Variants in SPRED2 observed in about 807,000 individuals in gnomAD.
SPRED2 encodes the protein sprouty-related, EVH1 domain-containing protein 2.
SPRED2 carries 47 observed loss-of-function variants against 43.0 expected under a neutral mutation model. The observed-to-expected ratio is 1.09, with a 90% confidence interval of 0.87 to 1.40. The LOEUF is 1.40. SPRED2 is among the 40% of genes most tolerant of loss of function. The probability of loss-of-function intolerance (pLI) is 0.00; values close to 1 mark genes in which losing one functional copy is unlikely to be tolerated. For synonymous variants in SPRED2, 225 were observed against 225.7 expected, an observed-to-expected ratio of 1.00 and a Z score of 0.03; for missense variants, 561 against 586.4, an observed-to-expected ratio of 0.96 and a Z score of 0.45.
At chr2:65,319,433 G>A (rs1673345439) in intron 4 of SPRED2, among the ~76,000 whole-genome samples, 1 of 152,292 alleles carries the variant, frequency 6.6e-6, no homozygotes, top group African/African-American at 2.4e-5. Context: ...GAGGATGGGA[G>A]CAAGAGAAGC....
chr2:65,321,151 C>T (rs978270971), intron 4 of SPRED2, among the ~76,000 whole-genome samples: 1 of 152,160 alleles, frequency 6.6e-6, no homozygotes, highest in Non-Finnish European at 1.5e-5. Flanking sequence ...GGACTTCAGG[C>T]TCCTAGAAGG....
At chr2:65,338,182 C>T (rs1414737850) in intron 2 of SPRED2, among the ~76,000 whole-genome samples, 1 of 92,458 alleles carries the variant, frequency 1.1e-5, no homozygotes, top group Non-Finnish European at 2.3e-5. Flanking sequence ...CTCCCGTCTC[C>T]CTCTCCCTCT....
chr2:65,397,860 T>C (rs1436471322), intron 1 of SPRED2, among the ~76,000 whole-genome samples: 3 of 152,060 alleles, frequency 2.0e-5, no homozygotes, highest in African/African-American at 7.2e-5. Context: ...AATACCACCA[T>C]TATTCTTCAC....
intron 4 of SPRED2, among the ~76,000 whole-genome samples, chr2:65,324,213 C>G (rs754772295): frequency 1.3e-5 from 2 of 152,088 alleles, no homozygotes; most frequent in African/African-American, 4.8e-5. Context: ...ACAGGCTGTA[C>G]TTATTTTGAG....
intron 4 of SPRED2, among the ~76,000 whole-genome samples, chr2:65,322,479 G>C (rs1402157995): frequency 1.3e-5 from 2 of 151,654 alleles, no homozygotes; most frequent in Admixed American, 1.3e-4. Context: ...ATTTTTAGTA[G>C]AGATGGGGTT....
chr2:65,411,415 T>C (rs1391878462), intron 1 of SPRED2, among the ~76,000 whole-genome samples: 1 of 152,224 alleles, frequency 6.6e-6, no homozygotes, highest in African/African-American at 2.4e-5. Context: ...TTAAATTACA[T>C]GCTTTTAAAC....
chr2:65,325,395 C>T (rs1294951213), intron 4 of SPRED2, among the ~76,000 whole-genome samples: 2 of 152,214 alleles, frequency 1.3e-5, no homozygotes, highest in Non-Finnish European at 2.9e-5. Context: ...TCATGTAGCA[C>T]TGCTAAGCAA....
At chr2:65,369,832 C>A (rs1436363091) in intron 1 of SPRED2, among the ~76,000 whole-genome samples, 1 of 152,200 alleles carries the variant, frequency 6.6e-6, no homozygotes, top group African/African-American at 2.4e-5. Context: ...CTGGCTCCAC[C>A]TCACTATTTT....
intron 1 of SPRED2, among the ~76,000 whole-genome samples, chr2:65,412,567 G>GT (rs1469472607): frequency 6.6e-6 from 1 of 152,178 alleles, no homozygotes; most frequent in Non-Finnish European, 1.5e-5. Flanking sequence ...TCATATGACT[G>GT]TTTAAGAGTG....
intron 1 of SPRED2, among the ~76,000 whole-genome samples, chr2:65,375,272 T>C (rs1397647120): frequency 6.6e-6 from 1 of 152,226 alleles, no homozygotes; most frequent in South Asian, 2.1e-4. Context: ...ACAGGAACAT[T>C]AACTCTTCCC....
At chr2:65,396,483 C>A (rs1430869795) in intron 1 of SPRED2, among the ~76,000 whole-genome samples, 1 of 152,204 alleles carries the variant, frequency 6.6e-6, no homozygotes, top group African/African-American at 2.4e-5. Flanking sequence ...TCTTTGAGTT[C>A]TCCACACGGT....
At chr2:65,344,468 T>C in intron 2 of SPRED2, 1 of 607,274 alleles carries the variant, frequency 1.6e-6, no homozygotes, top group Non-Finnish European at 3.1e-6. Flanking sequence ...TAATCAAAGA[T>C]GCAAATAAAA....
intron 5 of SPRED2, among the ~76,000 whole-genome samples, chr2:65,314,876 C>A (rs1276979896): frequency 6.6e-6 from 1 of 152,120 alleles, no homozygotes; most frequent in Non-Finnish European, 1.5e-5. Context: ...TGGTGAGATG[C>A]GGACAGGAGA....
chr2:65,394,875 T>G (rs1359505267), intron 1 of SPRED2, among the ~76,000 whole-genome samples: 1 of 152,256 alleles, frequency 6.6e-6, no homozygotes, highest in Non-Finnish European at 1.5e-5. Context: ...AACTGCATTT[T>G]CACATTATGC....
chr2:65,407,841 C>A (rs1676062549), intron 1 of SPRED2, among the ~76,000 whole-genome samples: 1 of 152,238 alleles, frequency 6.6e-6, no homozygotes, highest in African/African-American at 2.4e-5. Context: ...AAAATACTAA[C>A]ATGACCGAGT....
chr2:65,353,579 C>A (rs915802100), intron 1 of SPRED2, among the ~76,000 whole-genome samples: 11 of 152,112 alleles, frequency 7.2e-5, no homozygotes, highest in Admixed American at 3.3e-4. Flanking sequence ...CAGAAATACT[C>A]CTTTAAAAAT....
intron 1 of SPRED2, among the ~76,000 whole-genome samples, chr2:65,359,327 A>G (rs1022045177): frequency 6.6e-6 from 1 of 152,216 alleles, no homozygotes; most frequent in African/African-American, 2.4e-5. Flanking sequence ...GTAAAGGCCA[A>G]CTAGCTACCA....
At chr2:65,359,685 T>C (rs939894314) in intron 1 of SPRED2, among the ~76,000 whole-genome samples, 3 of 152,100 alleles carry the variant, frequency 2.0e-5, no homozygotes, top group African/African-American at 7.2e-5. Context: ...ATCCCAGCAC[T>C]GTGGGAGGCT....
At chr2:65,386,789 G>T (rs545531570) in intron 1 of SPRED2, among the ~76,000 whole-genome samples, 2 of 152,246 alleles carry the variant, frequency 1.3e-5, no homozygotes, top group South Asian at 4.1e-4. Context: ...GGGCATAAAA[G>T]CATCTTTTAA....
Sources: gnomAD v4.1 joint callset for allele counts (sites outside exome capture counted in the v4.1 genomes callset) on GRCh38, gnomAD v4.1.1 for gene constraint, MANE v1.5 for transcripts, NCBI Gene and HGNC (gene_info 2026-07-23, HGNC 2026-07-21) for gene names.